The following ZNF777 variants were observed in gnomAD, a reference collection of about 807,000 sequenced individuals.
ZNF777 encodes the protein zinc finger protein 777.
Under a neutral mutation model 72.1 loss-of-function variants are expected in ZNF777, and 7 were observed. The ratio of observed to expected loss-of-function variants is 0.10; its 90% CI spans 0.06 to 0.18. The LOEUF (loss-of-function observed/expected upper bound fraction) is 0.18, where lower values mean the gene tolerates loss of function less well. Among genes scored for constraint, ZNF777 ranks in the 10% least tolerant of loss-of-function variants. The probability of loss-of-function intolerance (pLI) is 1.00; values close to 1 mark genes in which losing one functional copy is unlikely to be tolerated. For synonymous variants in ZNF777, 545 were observed against 483.5 expected, an observed-to-expected ratio of 1.13 and a Z score of -1.67; for missense variants, 828 against 1,128.6, an observed-to-expected ratio of 0.73 and a Z score of 3.82.
intron 2 of ZNF777, 34 bp from the exon 3 acceptor site, chr7:149,454,271 T>A (rs369262057): frequency 1.2e-6 from 2 of 1,612,580 alleles, no homozygotes; most frequent in African/African-American, 2.7e-5. Context: ...TCAGACCCGC[T>A]GGAAGGCAGT....
At chr7:149,444,191 C>A (rs1366826017) in intron 4 of ZNF777, among the ~76,000 whole-genome samples, 3 of 152,160 alleles carry the variant, frequency 2.0e-5, no homozygotes, top group Admixed American at 6.5e-5. Context: ...TTATTTATAA[C>A]TAAACTCTGT....
rs1799926068 is a variant in ZNF777, at chr7:149,460,359, A to C, written c.-16+456T>G. 6.9e-6 allele frequency among the ~76,000 whole-genome samples: 1 copy of C among 145,052 alleles called. No individual in the cohort carries two copies. Among genetic ancestry groups the C allele is most frequent in the Non-Finnish European group, 1.5e-5 (1 of 65,514 alleles). ...AGCGGGCGCGGGGTCGCGGAGCCCG[A>C]GCGGCGGCGTCGGAGCTGGGCGCGC... is the stretch of plus-strand genomic sequence containing the variant. On this transcript the variant is annotated intron_variant, in intron 1 of 5. Coordinates refer to ENST00000247930, the MANE Select transcript of ZNF777 (RefSeq NM_015694.3). The surrounding 1 kb of genome is among the most constrained non-coding windows in gnomAD (Gnocchi z 6.1).
chr7:149,456,672 GCCTTTGTGGTGC>G (rs1426058531), intron 1 of ZNF777, among the ~76,000 whole-genome samples: 4 of 152,182 alleles, frequency 2.6e-5, no homozygotes, highest in Non-Finnish European at 5.9e-5. Flanking sequence ...CCAGCATTAG[GCCTTTGTGGTGC>G]CCTGGGTTCC....
In ZNF777 at chr7:149,452,077, A is replaced by G. The variant is rs1015418723; in HGVS notation, c.974-965T>C. Among the ~76,000 whole-genome samples, 47 of 142,712 alleles carry G rather than the reference A, an allele frequency of 3.3e-4. 1 individual carries two copies. The highest frequency in any genetic ancestry group is 2.8e-3 in the East Asian group (13 of 4,572). The allele number at this position is 142,712 out of a possible 152,430, so 93.6% of individuals were successfully genotyped here. A position where few individuals can be genotyped will look rare whatever the true frequency, so the allele number is the denominator to read the frequency against. ...TCAGGAGATCGAGACCATCCTGGCT[A>G]ACATGGTGAAACCCCGTCTCTACTA... On this transcript the variant is annotated intron_variant, in intron 3 of 5. Transcript: ENST00000247930.
chr7:149,458,395 T>C (rs564406007), intron 1 of ZNF777, among the ~76,000 whole-genome samples: 15 of 152,184 alleles, frequency 9.9e-5, no homozygotes, highest in African/African-American at 3.1e-4. Flanking sequence ...GCCCTTGCCT[T>C]AGAGGGAGAT....
In ZNF777 at chr7:149,453,973, A is replaced by G. The variant is rs956603003; in HGVS notation, c.973+138T>C. 8 of 1,333,032 alleles carry G rather than the reference A, an allele frequency of 6.0e-6. No homozygotes were observed. In the Admixed American group the frequency reaches 1.6e-4, roughly 26 times the overall value. 82.6% of individuals were successfully genotyped at this position (1,333,032 alleles called of 1,614,324 possible). ...GTGGGTATATGAGGGCGTTTGCTTT[A>G]ATTTGTTGTGATCTCTACAACTCTG... On this transcript the variant is annotated intron_variant, in intron 3 of 5. Coordinates refer to ENST00000247930, the MANE Select transcript of ZNF777 (RefSeq NM_015694.3).
rs927479767 is a variant in ZNF777 at position 149,460,559 on chromosome 7, T to C, written c.-16+256A>G. 6.6e-6 allele frequency among the ~76,000 whole-genome samples: 1 copy of C among 151,884 alleles called. No individual in the cohort carries two copies. The highest frequency in any genetic ancestry group is 1.5e-5 in the Non-Finnish European group (1 of 67,884). Reference sequence around the variant, plus strand: ...CCCGGCGCCTCTTTAGCAGGGGAGCTGCACAGCAGCTGCCATGTTGCTACA... The same window carrying C: ...CCCGGCGCCTCTTTAGCAGGGGAGCCGCACAGCAGCTGCCATGTTGCTACA... On this transcript the variant is annotated intron_variant, in intron 1 of 5. Coordinates refer to ENST00000247930, the MANE Select transcript of ZNF777 (RefSeq NM_015694.3). The surrounding 1 kb of genome is among the most constrained non-coding windows in gnomAD (Gnocchi z 6.1).
In ZNF777 at chr7:149,432,678, C is replaced by T. The variant is rs753308404; in HGVS notation, c.1594G>A (p.Ala532Thr). Residue 532 changes from alanine (A) to threonine (T), a missense_variant, in exon 6 of 6, where the codon GCC becomes ACC. Physicochemically the swap from Ala to Thr is moderately conservative, Grantham distance 58. Coordinates refer to ENST00000247930, the MANE Select transcript of ZNF777 (RefSeq NM_015694.3). ...CGGTTCCGCTGCTGCTGGCTCGAGG[C>T]CCCGCGGTTCTCGCTCAGGTGCCGC... ...GERHLSENRG[A>T]SSQQQRNRRG... The T allele has an allele frequency of 1.4e-5, 23 of 1,612,750 alleles. No individual in the cohort carries two copies. The highest frequency in any genetic ancestry group is 1.8e-5 in the Non-Finnish European group (21 of 1,179,580).
intron 4 of ZNF777, among the ~76,000 whole-genome samples, chr7:149,447,322 G>C (rs1039207090): frequency 2.0e-5 from 3 of 152,188 alleles, no homozygotes; most frequent in African/African-American, 7.2e-5. Flanking sequence ...CTCTAGCTCA[G>C]ACCTCGGTTC....
At chr7:149,459,377 A>G (rs1799897616) in intron 1 of ZNF777, among the ~76,000 whole-genome samples, 1 of 152,172 alleles carries the variant, frequency 6.6e-6, no homozygotes, top group African/African-American at 2.4e-5. Flanking sequence ...CTCCCCAGAC[A>G]CCATCTGTCA....
intron 4 of ZNF777, among the ~76,000 whole-genome samples, chr7:149,437,343 A>G (rs976024859): frequency 9.9e-5 from 15 of 152,158 alleles, no homozygotes; most frequent in African/African-American, 3.6e-4. Flanking sequence ...GGTACAGTTA[A>G]CACAGTTTCT....
At chr7:149,448,537 A>AC (rs1799651692) in intron 4 of ZNF777, among the ~76,000 whole-genome samples, 2 of 139,092 alleles carry the variant, frequency 1.4e-5, no homozygotes, top group Non-Finnish European at 3.0e-5. Context: ...ACATATAGTT[A>AC]TATATATAGT....
At chr7:149,448,483 A>C (rs1799643953) in intron 4 of ZNF777, among the ~76,000 whole-genome samples, 1 of 43,506 alleles carries the variant, frequency 2.3e-5, no homozygotes, top group African/African-American at 7.8e-5. Context: ...AACAAAACAA[A>C]ACTATATATA....
At chr7:149,456,355 A>G (rs1456807166) in intron 1 of ZNF777, among the ~76,000 whole-genome samples, 1 of 152,048 alleles carries the variant, frequency 6.6e-6, no homozygotes, top group Non-Finnish European at 1.5e-5. Context: ...CTCCTGTTAG[A>G]GCTTTTGGCC....
Position 149,432,159 on chromosome 7 carries a change from G to T in ZNF777, c.2113C>A (p.Arg705Ser). 1 of 1,604,910 alleles carries T rather than the reference G, an allele frequency of 6.2e-7. No homozygotes were observed. Among genetic ancestry groups the T allele is most frequent in the Non-Finnish European group, 8.5e-7 (1 of 1,179,896 alleles). ...ICSLCGKSFS[R>S]PSHLLRHQRT... is the part of the protein sequence containing the mutation. ...TGGTGGCGCAGCAGGTGCGAGGGGC[G>T]GCTGAAGCTCTTGCCGCACAGGCTG... Residue 705 changes from arginine to serine, a missense_variant, in exon 6 of 6, where the codon CGC becomes AGC. Arg to Ser is a moderately radical substitution (Grantham distance 110). Around this residue, in one of 12 missense-constraint regions of ZNF777, gnomAD observed 24 missense variants for 23.3 expected, o/e 1.03. Coordinates refer to ENST00000247930, the MANE Select transcript of ZNF777 (RefSeq NM_015694.3).
At chr7:149,437,756 T>C (rs772547696) in intron 4 of ZNF777, among the ~76,000 whole-genome samples, 3 of 152,050 alleles carry the variant, frequency 2.0e-5, no homozygotes, top group Non-Finnish European at 4.4e-5. Context: ...TCTGTGCTTA[T>C]GTTGTTATTC....
At position 149,455,877 on chromosome 7, in the gene ZNF777, G is replaced by A; in HGVS notation, c.146C>T (p.Thr49Ile). Residue 49 changes from threonine (T) to isoleucine (I), a missense_variant, in exon 2 of 6, where the codon ACC becomes ATC. By Grantham distance (89) the Thr-to-Ile change is moderately conservative. Around this residue, in one of 12 missense-constraint regions of ZNF777, gnomAD observed 222 missense variants for 211.2 expected, o/e 1.05. Coordinates refer to ENST00000247930, the MANE Select transcript of ZNF777 (RefSeq NM_015694.3). The surrounding 1 kb of genome is among the most constrained non-coding windows in gnomAD (Gnocchi z 4.2). Reference protein sequence around the residue: ...PPKEIPSLSPTIPRQGSLPQT... With the variant: ...PPKEIPSLSPIIPRQGSLPQT... Reference sequence around the variant, plus strand: ...GGGCAGGGAGCCTTGACGGGGAATGGTGGGAGACAAAGAAGGAATTTCTTT... The same window carrying A: ...GGGCAGGGAGCCTTGACGGGGAATGATGGGAGACAAAGAAGGAATTTCTTT... The A allele has an allele frequency of 6.2e-7, 1 of 1,614,024 alleles. No individual in the cohort carries two copies. The highest frequency in any genetic ancestry group is 8.5e-7 in the Non-Finnish European group (1 of 1,180,004).
chr7:149,447,632 C>T (rs1171282447), intron 4 of ZNF777, among the ~76,000 whole-genome samples: 2 of 152,178 alleles, frequency 1.3e-5, no homozygotes, highest in East Asian at 1.9e-4. Flanking sequence ...ACCTGGAAGA[C>T]GGAAAGAACC....
At chr7:149,452,201 C>T (rs1267451179) in intron 3 of ZNF777, among the ~76,000 whole-genome samples, 2 of 151,464 alleles carry the variant, frequency 1.3e-5, no homozygotes, top group Non-Finnish European at 2.9e-5. Flanking sequence ...GGAGGCGGAG[C>T]GTGCAGTGAG....
Sources: allele counts gnomAD v4.1 joint callset (sites outside exome capture counted in the v4.1 genomes callset), GRCh38; gene constraint gnomAD v4.1.1; regional missense constraint gnomAD v4.1.1; non-coding constraint Gnocchi (gnomAD v3.1); transcripts MANE v1.5; gene names NCBI Gene and HGNC (gene_info 2026-07-23, HGNC 2026-07-21).